Variants in USP28 observed in about 807,000 individuals in gnomAD.
USP28 encodes the protein ubiquitin specific peptidase 28, also known as ubiquitin carboxyl-terminal hydrolase 28.
In USP28, 113 loss-of-function variants were observed where a neutral mutation model predicts 145.0. The ratio of observed to expected loss-of-function variants is 0.78; its 90% CI spans 0.67 to 0.91. The LOEUF is 0.91. USP28 is among the 40% of genes least tolerant of loss of function. The pLI is 0.00. For missense variants in USP28, 1,201 were observed against 1,289.6 expected (o/e 0.93, Z 1.05); for synonymous variants, 447 against 450.9 (o/e 0.99, Z 0.11).
intron 1 of USP28, among the ~76,000 whole-genome samples, chr11:113,865,080 T>TC (rs923635530): frequency 1.3e-4 from 20 of 152,002 alleles, no homozygotes; most frequent in Middle Eastern, 3.4e-3. Flanking sequence ...GGTCAAGCAA[T>TC]CCCCCCCGTC....
At chr11:113,806,623 G>T in intron 18 of USP28, 39 bp from the exon 20 acceptor site, 1 of 1,397,626 alleles carries the variant, frequency 7.2e-7, no homozygotes, top group Non-Finnish European at 9.8e-7. Context: ...AGAAAGGAGA[G>T]AAGAAAGGTT....
chr11:113,847,296 C>T (rs1158157676), intron 3 of USP28, among the ~76,000 whole-genome samples: 1 of 151,912 alleles, frequency 6.6e-6, no homozygotes, highest in Non-Finnish European at 1.5e-5. Context: ...CACAGTCATG[C>T]CAGATAAGCA....
chr11:113,813,880 T>C lies in USP28; in HGVS notation c.1743+5A>G. ...TGACTACTTTCCCATCAATTTTCAT[T>C]CTACCTGACGAAGGAGAGGATCGCA... On this transcript the variant is annotated splice_donor_5th_base_variant and intron_variant, in intron 15 of 24. Coordinates refer to ENST00000003302, the Ensembl canonical transcript of USP28. 1 of 1,609,968 alleles carries C rather than the reference T, an allele frequency of 6.2e-7. No individual in the cohort carries two copies. The highest frequency in any genetic ancestry group is 1.4e-5 in the African/African-American group (1 of 73,394).
chr11:113,870,720 G>A (rs1374200362), intron 1 of USP28, among the ~76,000 whole-genome samples: 1 of 152,226 alleles, frequency 6.6e-6, no homozygotes, highest in Non-Finnish European at 1.5e-5. Context: ...CTTAAGCTCT[G>A]TAGCAGAATC....
intron 1 of USP28, among the ~76,000 whole-genome samples, chr11:113,861,642 T>C (rs911188951): frequency 2.6e-5 from 4 of 152,226 alleles, no homozygotes; most frequent in Non-Finnish European, 5.9e-5. Context: ...GAAATCACCT[T>C]CTTCCCGACC....
At chr11:113,816,518 AC>A (rs574838869) in intron 13 of USP28, among the ~76,000 whole-genome samples, 107 of 152,228 alleles carry the variant, frequency 7.0e-4, no homozygotes, top group African/African-American at 2.4e-3. Flanking sequence ...TCTCAAAAAA[AC>A]AAACAAACAA....
intron 1 of USP28, among the ~76,000 whole-genome samples, chr11:113,865,498 G>C (rs757915132): frequency 4.6e-5 from 7 of 152,166 alleles, no homozygotes; most frequent in African/African-American, 7.2e-5. Context: ...CATAAGGACA[G>C]ATATATAGAC....
chr11:113,813,946 G>GT lies in USP28; in HGVS notation c.1681dup (p.Thr561AsnfsTer11). On this transcript the variant is annotated frameshift_variant, in exon 15 of 25. Coordinates refer to ENST00000003302, the Ensembl canonical transcript of USP28. LOFTEE classifies it high-confidence loss of function. ...AGTCTGAGTAGTACTTGCAATACAA[G>GT]TCTTTAAATCTGTTTGGAAAAAGAA... is the stretch of plus-strand genomic sequence containing the variant. The GT allele has an allele frequency of 2.5e-6, 4 of 1,608,276 alleles. No homozygotes were observed. The highest frequency in any genetic ancestry group is 2.5e-6 in the Non-Finnish European group (3 of 1,178,026).
At chr11:113,800,793 A>G (rs1366621180) in intron 24 of USP28, among the ~76,000 whole-genome samples, 2 of 151,778 alleles carry the variant, frequency 1.3e-5, no homozygotes, top group Non-Finnish European at 2.9e-5. Flanking sequence ...ACTTCAAGCC[A>G]CAGAAAAAAT....
At chr11:113,856,072 A>G (rs1287770146) in intron 1 of USP28, among the ~76,000 whole-genome samples, 2 of 152,210 alleles carry the variant, frequency 1.3e-5, no homozygotes, top group Non-Finnish European at 2.9e-5. Context: ...GCACTGGGAG[A>G]GTGATTATCA....
intron 13 of USP28, among the ~76,000 whole-genome samples, chr11:113,815,817 A>G (rs1314208873): frequency 1.3e-5 from 2 of 152,224 alleles, no homozygotes; most frequent in African/African-American, 4.8e-5. Flanking sequence ...GATGAAGCCA[A>G]CTAAAGTGAC....
At chr11:113,832,979 A>T (rs1200406366) in intron 7 of USP28, among the ~76,000 whole-genome samples, 5 of 152,128 alleles carry the variant, frequency 3.3e-5, no homozygotes, top group Non-Finnish European at 5.9e-5. Context: ...AGAAGAGAGA[A>T]GTTGCTGAGA....
chr11:113,825,716 A>G (rs1303677453), intron 11 of USP28, among the ~76,000 whole-genome samples: 1 of 152,246 alleles, frequency 6.6e-6, no homozygotes, highest in Non-Finnish European at 1.5e-5. Context: ...ACATTATCCT[A>G]AAGAAAGGAC....
intron 10 of USP28, among the ~76,000 whole-genome samples, chr11:113,827,941 A>G (rs1245614327): frequency 6.6e-6 from 1 of 152,222 alleles, no homozygotes; most frequent in Non-Finnish European, 1.5e-5. Flanking sequence ...TCTGAATTTC[A>G]AAAACTTACA....
intron 3 of USP28, among the ~76,000 whole-genome samples, chr11:113,845,359 C>T (rs1292287055): frequency 3.3e-5 from 5 of 151,526 alleles, no homozygotes; most frequent in Non-Finnish European, 7.4e-5. Flanking sequence ...TCACTTGTAC[C>T]CGGGAGGTGG....
chr11:113,863,400 C>T (rs1250782160), intron 1 of USP28, among the ~76,000 whole-genome samples: 1 of 152,182 alleles, frequency 6.6e-6, no homozygotes, highest in South Asian at 2.1e-4. Context: ...AATCCCAGCA[C>T]TTTGGGAGGC....
chr11:113,817,234 C>A (rs1306704333), intron 13 of USP28, among the ~76,000 whole-genome samples: 3 of 152,174 alleles, frequency 2.0e-5, no homozygotes, highest in African/African-American at 2.4e-5. Context: ...AGTTCTTTTT[C>A]AAGTACTAAT....
At chr11:113,826,689 G>A (rs1035467709) in intron 11 of USP28, among the ~76,000 whole-genome samples, 1 of 151,956 alleles carries the variant, frequency 6.6e-6, no homozygotes, top group Non-Finnish European at 1.5e-5. Flanking sequence ...GGAGGCCAAG[G>A]CAGGCGGATC....
chr11:113,827,408 A>G, intron 10 of USP28, 48 bp from the exon 11 acceptor site: 2 of 1,523,712 alleles, frequency 1.3e-6, no homozygotes, highest in East Asian at 4.7e-5. Flanking sequence ...TAATTTTAGG[A>G]AATTACAATA....
Sources: gnomAD v4.1 joint callset for allele counts (sites outside exome capture counted in the v4.1 genomes callset) on GRCh38, gnomAD v4.1.1 for gene constraint, MANE v1.5 for transcripts, NCBI Gene and HGNC (gene_info 2026-07-23, HGNC 2026-07-21) for gene names.